The following BCL2L14 variants were observed in gnomAD, a reference collection of about 807,000 sequenced individuals.
BCL2L14 encodes BCL2 like 14.
Under a neutral mutation model 35.3 loss-of-function variants are expected in BCL2L14, and 27 were observed. The observed-to-expected ratio is 0.76, with a 90% CI of 0.56 to 1.05. The LOEUF (loss-of-function observed/expected upper bound fraction) is 1.05. Among genes scored for constraint, BCL2L14 ranks in the 50% least tolerant of loss-of-function variants. BCL2L14 has a pLI of 0.00. For synonymous variants in BCL2L14, 139 were observed against 145.9 expected, an observed-to-expected ratio of 0.95 and a Z score of 0.34; for missense variants, 377 against 382.6, an observed-to-expected ratio of 0.99 and a Z score of 0.12.
chr12:12,057,013 T>C (rs1376554290), intron 2 of BCL2L14, among the ~76,000 whole-genome samples: 1 of 152,058 alleles, frequency 6.6e-6, no homozygotes, highest in Admixed American at 6.6e-5. Flanking sequence ...TCTCACATGA[T>C]ATAAAAGAAC....
intron 1 of BCL2L14, chr12:12,072,514 G>A (rs1948689362): frequency 6.6e-6 from 1 of 152,270 alleles, no homozygotes; most frequent in African/African-American, 2.4e-5. Flanking sequence ...GGATCAGGAA[G>A]GTAAACATAG....
At chr12:12,093,431 G>C (rs1457184557) in intron 4 of BCL2L14, among the ~76,000 whole-genome samples, 1 of 152,054 alleles carries the variant, frequency 6.6e-6, no homozygotes, top group Admixed American at 6.5e-5. Context: ...CCAGGAGTTT[G>C]AGACCAGCCT....
intron 2 of BCL2L14, among the ~76,000 whole-genome samples, chr12:12,052,767 G>T (rs192879770): frequency 1.6e-3 from 248 of 152,250 alleles, no homozygotes; most frequent in Non-Finnish European, 3.2e-3. Flanking sequence ...CAGGACCTTG[G>T]TTTCTTAGCT....
chr12:12,099,427 C>T lies in BCL2L14; in HGVS notation c.*439C>T, dbSNP rs1280286238. The T allele has an allele frequency of 1.2e-5, 2 of 160,018 alleles. No individual in the cohort carries two copies. The highest frequency in any genetic ancestry group is 1.3e-4 in the Admixed American group (2 of 15,608). The allele number at this position is 160,018 out of a possible 1,614,324, so 9.9% of individuals were successfully genotyped here. A position where few individuals can be genotyped will look rare whatever the true frequency, so the allele number is the denominator to read the frequency against. The stretch of plus-strand genomic sequence containing the variant: ...AACTACACTTGGGGTGGCCTAATAC[C>T]TAGGAAGATGTTGCTATTCACGTTA... On this transcript the variant is annotated 3_prime_UTR_variant, in exon 6 of 6. Coordinates refer to ENST00000308721, the MANE Select transcript of BCL2L14 (RefSeq NM_138723.2).
chr12:12,055,939 C>T (rs922997906), intron 2 of BCL2L14, among the ~76,000 whole-genome samples: 1 of 152,060 alleles, frequency 6.6e-6, no homozygotes, highest in Non-Finnish European at 1.5e-5. Context: ...TTGGGCATGC[C>T]CCCACCCCCA....
chr12:12,088,379 G>C (rs531100122), intron 3 of BCL2L14, among the ~76,000 whole-genome samples: 2 of 152,182 alleles, frequency 1.3e-5, no homozygotes, highest in Admixed American at 1.3e-4. Flanking sequence ...ATCTTATTAC[G>C]CAAGTGGGCT....
upstream of BCL2L14, among the ~76,000 whole-genome samples, chr12:12,070,049 A>T (rs1948646198): frequency 6.6e-6 from 1 of 152,124 alleles, no homozygotes; most frequent in Non-Finnish European, 1.5e-5. Flanking sequence ...TTCACTTAAG[A>T]CTCTGGAAAG....
chr12:12,078,843 C>A (rs1948842484), intron 1 of BCL2L14, among the ~76,000 whole-genome samples: 1 of 152,196 alleles, frequency 6.6e-6, no homozygotes. Context: ...TGTCGCCAGG[C>A]TGGAGTGCAG....
intron 2 of BCL2L14, among the ~76,000 whole-genome samples, chr12:12,060,933 G>GAA (rs1948514880): frequency 2.4e-5 from 1 of 41,568 alleles, no homozygotes. Context: ...CACAGTGGAG[G>GAA]GTAAGCCCGT....
chr12:12,057,969 G>A (rs1948457920), intron 2 of BCL2L14, among the ~76,000 whole-genome samples: 1 of 142,928 alleles, frequency 7.0e-6, no homozygotes, highest in African/African-American at 2.6e-5. Context: ...TTTTTTTTGA[G>A]ATGGAGTCTC....
At chr12:12,093,038 T>C (rs1231392520) in intron 4 of BCL2L14, among the ~76,000 whole-genome samples, 1 of 152,168 alleles carries the variant, frequency 6.6e-6, no homozygotes, top group East Asian at 1.9e-4. Flanking sequence ...GAAGATGATA[T>C]ATAGCTTTTT....
chr12:12,089,615 T>C (rs534224980), intron 3 of BCL2L14, among the ~76,000 whole-genome samples: 10 of 151,950 alleles, frequency 6.6e-5, no homozygotes, highest in African/African-American at 2.4e-4. Flanking sequence ...GGAGAATCAC[T>C]TGAACCTGGG....
At chr12:12,078,509 G>A (rs1205821688) in intron 1 of BCL2L14, among the ~76,000 whole-genome samples, 2 of 152,196 alleles carry the variant, frequency 1.3e-5, no homozygotes, top group Non-Finnish European at 2.9e-5. Context: ...CCAAGTGCTA[G>A]TTCACTTATT....
chr12:12,064,327 G>A (rs865932429), intron 2 of BCL2L14, among the ~76,000 whole-genome samples: 2 of 151,384 alleles, frequency 1.3e-5, no homozygotes, highest in Middle Eastern at 3.4e-3. Context: ...TTTTTGTAGA[G>A]ATGGGGCCTC....
At chr12:12,083,419 C>T (rs7964958) in intron 2 of BCL2L14, among the ~76,000 whole-genome samples, 55,738 of 152,024 alleles carry the variant, frequency 0.37, 10,542 homozygotes, top group East Asian at 0.51. Flanking sequence ...ACAATAACAC[C>T]AGTTTTAAAG....
chr12:12,085,419 G>A (rs1949020444), intron 2 of BCL2L14, among the ~76,000 whole-genome samples: 3 of 152,246 alleles, frequency 2.0e-5, no homozygotes, highest in Admixed American at 2.0e-4. Flanking sequence ...CAGGGGCCAT[G>A]GGTGGCCAGA....
chr12:12,066,999 CG>C (rs1948602254), upstream of BCL2L14, among the ~76,000 whole-genome samples: 1 of 152,068 alleles, frequency 6.6e-6, no homozygotes, highest in Non-Finnish European at 1.5e-5. Context: ...CATGAGCCAC[CG>C]CACCTGGTGA....
intron 2 of BCL2L14, among the ~76,000 whole-genome samples, chr12:12,061,380 A>C (rs2448043): frequency 6.6e-6 from 1 of 151,208 alleles, no homozygotes; most frequent in South Asian, 2.1e-4. Flanking sequence ...CCAAGATCCC[A>C]TCCCACAGCA....
intron 1 of BCL2L14, among the ~76,000 whole-genome samples, chr12:12,074,431 C>T (rs1358858233): frequency 6.6e-6 from 1 of 151,950 alleles, no homozygotes; most frequent in Non-Finnish European, 1.5e-5. Context: ...AGATATGTAC[C>T]TTTTTCTTTT....
Sources: gnomAD v4.1 joint callset for allele counts (sites outside exome capture counted in the v4.1 genomes callset) on GRCh38, gnomAD v4.1.1 for gene constraint, MANE v1.5 for transcripts, NCBI Gene and HGNC (gene_info 2026-07-23, HGNC 2026-07-21) for gene names.